The following XRCC4 variants were observed in gnomAD, a reference collection of about 807,000 sequenced individuals.
XRCC4 encodes DNA repair protein XRCC4.
XRCC4 carries 28 observed loss-of-function variants against 39.1 expected under a neutral mutation model. The ratio of observed to expected loss-of-function variants is 0.72; its 90% CI spans 0.53 to 0.98. The LOEUF (loss-of-function observed/expected upper bound fraction) is 0.98. Among genes scored for constraint, XRCC4 ranks in the 50% least tolerant of loss-of-function variants. The probability of loss-of-function intolerance (pLI) is 0.00; values close to 1 mark genes in which losing one functional copy is unlikely to be tolerated. For missense variants in XRCC4, 350 were observed against 376.4 expected (o/e 0.93, Z 0.58); for synonymous variants, 123 against 126.4 (o/e 0.97, Z 0.18).
intron 3 of XRCC4, among the ~76,000 whole-genome samples, chr5:83,171,277 G>A (rs1195495701): frequency 6.6e-6 from 1 of 151,958 alleles, no homozygotes; most frequent in African/African-American, 2.4e-5. Flanking sequence ...CTTATCTCTG[G>A]TCCTGCCTAC....
intron 7 of XRCC4, among the ~76,000 whole-genome samples, chr5:83,301,150 G>A (rs768073788): frequency 1.3e-4 from 20 of 152,076 alleles, no homozygotes; most frequent in African/African-American, 3.9e-4. Context: ...TTGATGAATC[G>A]CCACACTGTC....
At chr5:83,112,850 G>C (rs1746510606) in intron 3 of XRCC4, among the ~76,000 whole-genome samples, 1 of 152,070 alleles carries the variant, frequency 6.6e-6, no homozygotes, top group Non-Finnish European at 1.5e-5. Context: ...CCTCCCGCTG[G>C]GTCCCTCTCA....
intron 3 of XRCC4, among the ~76,000 whole-genome samples, chr5:83,162,721 A>T (rs1241291587): frequency 6.6e-6 from 1 of 152,152 alleles, no homozygotes; most frequent in Non-Finnish European, 1.5e-5. Context: ...CTAGAAACAT[A>T]AATAAAGAAC....
At chr5:83,248,918 G>A (rs1331433396) in intron 6 of XRCC4, among the ~76,000 whole-genome samples, 7 of 152,084 alleles carry the variant, frequency 4.6e-5, no homozygotes, top group African/African-American at 1.4e-4. Flanking sequence ...GTGGATGTTT[G>A]GAAATGAAAA....
At chr5:83,139,391 T>C (rs1406635536) in intron 3 of XRCC4, among the ~76,000 whole-genome samples, 1 of 152,224 alleles carries the variant, frequency 6.6e-6, no homozygotes. Context: ...GTGGGTGATA[T>C]TAACTTTGAA....
At chr5:83,346,820 G>A (rs1041609199) in intron 7 of XRCC4, among the ~76,000 whole-genome samples, 2 of 152,156 alleles carry the variant, frequency 1.3e-5, no homozygotes, top group African/African-American at 4.8e-5. Context: ...AGTCCTTGTG[G>A]AAGGTTTAGA....
chr5:83,083,362 G>C (rs1207322564), intron 1 of XRCC4, among the ~76,000 whole-genome samples: 1 of 144,988 alleles, frequency 6.9e-6, no homozygotes, highest in Non-Finnish European at 1.5e-5. Flanking sequence ...TTGATTGGGT[G>C]TTTGAATCTG....
rs536255987 is a variant in XRCC4, at chr5:83,187,960, A to G, written c.316-7810A>G. Among the ~76,000 whole-genome samples the G allele has an allele frequency of 1.6e-3, 240 of 152,350 alleles. 1 individual carries two copies. The highest frequency in any genetic ancestry group is 2.8e-3 in the Non-Finnish European group (192 of 68,036). ...AGAAGTTTTGCAATGACAGGAGCAG[A>G]AAAATGGACAATAGCAACTAGAGGG... On this transcript the variant is annotated intron_variant, in intron 3 of 7. Coordinates refer to ENST00000396027, the MANE Select transcript of XRCC4 (RefSeq NM_003401.5).
At chr5:83,277,973 T>C (rs1191848059) in intron 7 of XRCC4, among the ~76,000 whole-genome samples, 3 of 152,228 alleles carry the variant, frequency 2.0e-5, no homozygotes, top group Non-Finnish European at 4.4e-5. Flanking sequence ...AATATTTTGT[T>C]TAATAAAGAA....
chr5:83,091,322 A>G (rs767698829), intron 1 of XRCC4, among the ~76,000 whole-genome samples: 6 of 152,268 alleles, frequency 3.9e-5, no homozygotes, highest in Non-Finnish European at 7.4e-5. Flanking sequence ...GGTGAGAGAG[A>G]AGAGTGAAAT....
intron 3 of XRCC4, among the ~76,000 whole-genome samples, chr5:83,112,589 C>T (rs1157693283): frequency 2.6e-5 from 4 of 152,094 alleles, no homozygotes; most frequent in African/African-American, 9.7e-5. Flanking sequence ...TCTCACACTG[C>T]TAATAAAGAC....
chr5:83,079,723 C>CA (rs1324904652), intron 1 of XRCC4, among the ~76,000 whole-genome samples: 2 of 151,946 alleles, frequency 1.3e-5, no homozygotes, highest in African/African-American at 4.8e-5. Context: ...TTTGTAGAGA[C>CA]AGGGCTCACT....
chr5:83,098,191 A>T (rs1180738772), intron 1 of XRCC4, among the ~76,000 whole-genome samples: 1 of 152,122 alleles, frequency 6.6e-6, no homozygotes, highest in Non-Finnish European at 1.5e-5. Flanking sequence ...ATGGACTGTG[A>T]CCTCAACCAA....
intron 4 of XRCC4, among the ~76,000 whole-genome samples, chr5:83,196,832 C>T (rs1231000624): frequency 6.6e-6 from 1 of 151,686 alleles, no homozygotes; most frequent in Non-Finnish European, 1.5e-5. Context: ...TATTTAGGGT[C>T]TTTTTAGCGC....
In XRCC4 at chr5:83,244,980, A is replaced by C. The variant is rs137925870; in HGVS notation, c.746-13550A>C. Reference sequence around the variant, plus strand: ...ACTAATAATACTGCTGTTTTGAAGTAAAATATGCATATATATTACAACATA... The same window carrying C: ...ACTAATAATACTGCTGTTTTGAAGTCAAATATGCATATATATTACAACATA... On this transcript the variant is annotated intron_variant, in intron 6 of 7. Transcript: ENST00000396027. 3.0e-4 allele frequency among the ~76,000 whole-genome samples: 46 copies of C among 152,340 alleles called. No individual in the cohort carries two copies. The East Asian group carries it at 7.5e-3, about 25-fold the overall frequency.
chr5:83,198,600 T>A (rs961253252), intron 4 of XRCC4, among the ~76,000 whole-genome samples: 4 of 152,122 alleles, frequency 2.6e-5, no homozygotes, highest in Non-Finnish European at 5.9e-5. Flanking sequence ...TTGGGGAGTA[T>A]TTTTTGTATA....
intron 6 of XRCC4, among the ~76,000 whole-genome samples, chr5:83,244,891 G>A (rs1238838198): frequency 6.6e-6 from 1 of 152,104 alleles, no homozygotes; most frequent in African/African-American, 2.4e-5. Context: ...CATAAGTTTG[G>A]CATAGAATTA....
At chr5:83,234,566 A>G (rs373211187) in intron 6 of XRCC4, among the ~76,000 whole-genome samples, 1 of 152,176 alleles carries the variant, frequency 6.6e-6, no homozygotes, top group African/African-American at 2.4e-5. Flanking sequence ...AGCTTCTTCT[A>G]TCTGATTTTT....
At chr5:83,182,224 C>G (rs1750238704) in intron 3 of XRCC4, among the ~76,000 whole-genome samples, 1 of 152,146 alleles carries the variant, frequency 6.6e-6, no homozygotes. Context: ...TAATACCCTC[C>G]TCTGCATATT....
Sources: gnomAD v4.1 joint callset for allele counts (sites outside exome capture counted in the v4.1 genomes callset) on GRCh38, gnomAD v4.1.1 for gene constraint, MANE v1.5 for transcripts, NCBI Gene and HGNC (gene_info 2026-07-23, HGNC 2026-07-21) for gene names.